The following ADCY2 variants were observed in gnomAD, a reference collection of about 807,000 sequenced individuals.
ADCY2 encodes the protein adenylate cyclase type 2.
A neutral mutation model predicts 125.2 loss-of-function variants in ADCY2; 31 were observed. The ratio of observed to expected loss-of-function variants is 0.25; its 90% confidence interval spans 0.19 to 0.33. ADCY2 has a LOEUF of 0.33. Among genes scored for constraint, ADCY2 ranks in the 10% least tolerant of loss-of-function variants. The pLI is 1.00. For missense variants in ADCY2, 904 were observed against 1,418.2 expected, an observed-to-expected ratio of 0.64 and a Z score of 5.82; for synonymous variants, 512 against 548.4, an observed-to-expected ratio of 0.93 and a Z score of 0.93.
At chr5:7,651,333 T>TAGGCC (rs1739081410) in intron 4 of ADCY2, among the ~76,000 whole-genome samples, 1 of 152,088 alleles carries the variant, frequency 6.6e-6, no homozygotes, top group Non-Finnish European at 1.5e-5. Flanking sequence ...ACTCACACGA[T>TAGGCC]CACAAGGTGA....
intron 2 of ADCY2, among the ~76,000 whole-genome samples, chr5:7,482,847 A>C (rs1472470247): frequency 1.3e-5 from 2 of 150,882 alleles, no homozygotes; most frequent in African/African-American, 4.9e-5. Context: ...TCAGTCATAA[A>C]GATAATTAAA....
chr5:7,780,344 G>A (rs1743879274), intron 18 of ADCY2, among the ~76,000 whole-genome samples: 1 of 152,210 alleles, frequency 6.6e-6, no homozygotes, highest in African/African-American at 2.4e-5. Flanking sequence ...ATTCGGACAA[G>A]ACATTTGCTT....
Position 7,698,388 on chromosome 5 carries a change from T to C in ADCY2, c.1109+14T>C, listed in dbSNP as rs1411511423. ...TGAAGCCATAAAGTAAGTGGACTGC[T>C]TAGTAAGCATTTTGTTATATGCTTT... On this transcript the variant is annotated intron_variant, in intron 7 of 24. Transcript: ENST00000338316. The C allele has an allele frequency of 6.2e-7, 1 of 1,613,880 alleles. No homozygotes were observed.
chr5:7,453,677 T>A (rs1741556531), intron 2 of ADCY2, among the ~76,000 whole-genome samples: 1 of 152,116 alleles, frequency 6.6e-6, no homozygotes, highest in Non-Finnish European at 1.5e-5. Flanking sequence ...ACGGTTTGAC[T>A]TTTCGACTTG....
Position 7,790,893 on chromosome 5 carries a change from A to G in ADCY2, c.2628+1093A>G, listed in dbSNP as rs1197217900. ...CATTGAAACCACATTTTCCATATGA[A>G]AAGAGAGGAGTCAGGAAAAGCCCAT... On this transcript the variant is annotated intron_variant, in intron 20 of 24. Transcript: ENST00000338316. 3.9e-5 allele frequency among the ~76,000 whole-genome samples: 6 copies of G among 152,168 alleles called. 1 individual carries two copies. Among genetic ancestry groups the G allele is most frequent in the Admixed American group, 3.9e-4 (6 of 15,284 alleles).
chr5:7,427,852 T>C (rs1740443366), intron 2 of ADCY2, among the ~76,000 whole-genome samples: 1 of 152,034 alleles, frequency 6.6e-6, no homozygotes, highest in Non-Finnish European at 1.5e-5. Flanking sequence ...TGCTTTGGAG[T>C]GTTTGAAGCC....
At chr5:7,729,833 A>G (rs1185884705) in intron 14 of ADCY2, among the ~76,000 whole-genome samples, 2 of 148,564 alleles carry the variant, frequency 1.3e-5, no homozygotes, top group Non-Finnish European at 3.0e-5. Flanking sequence ...TTAAAGAATA[A>G]AATATATAAT....
intron 2 of ADCY2, among the ~76,000 whole-genome samples, chr5:7,516,618 CACCT>C (rs1238377065): frequency 6.6e-6 from 1 of 152,078 alleles, no homozygotes; most frequent in African/African-American, 2.4e-5. Flanking sequence ...ACTCGCCCCT[CACCT>C]AACTGAAATG....
In ADCY2 at chr5:7,709,684, T is replaced by A. The variant is rs1018238676; in HGVS notation, c.1578+297T>A. Reference sequence around the variant, plus strand: ...ACTATTTATTAATTGAGGGGTTTTTTAAGAAAAACTTCTATCATGAAGTAG... The same window carrying A: ...ACTATTTATTAATTGAGGGGTTTTTAAAGAAAAACTTCTATCATGAAGTAG... On this transcript the variant is annotated intron_variant, in intron 10 of 24. Coordinates refer to ENST00000338316, the MANE Select transcript of ADCY2 (RefSeq NM_020546.3). The surrounding 1 kb of genome is among the most constrained non-coding windows in gnomAD (Gnocchi z 4.4). 6.6e-6 allele frequency among the ~76,000 whole-genome samples: 1 copy of A among 152,220 alleles called. No homozygotes were observed. Among genetic ancestry groups the A allele is most frequent in the African/African-American group, 2.4e-5 (1 of 41,454 alleles).
chr5:7,752,569 C>A (rs181663138), intron 15 of ADCY2, among the ~76,000 whole-genome samples: 1 of 151,456 alleles, frequency 6.6e-6, no homozygotes, highest in African/African-American at 2.4e-5. Flanking sequence ...ACTAATGAAA[C>A]TGTAAATGAA....
intron 2 of ADCY2, among the ~76,000 whole-genome samples, chr5:7,518,531 A>G (rs767806702): frequency 6.6e-6 from 1 of 152,230 alleles, no homozygotes; most frequent in Non-Finnish European, 1.5e-5. Flanking sequence ...TTTATTTTTA[A>G]AGAGGTGAAA....
chr5:7,589,511 A>AAAGAAAGAAAGAAAG (rs757777978), intron 3 of ADCY2, among the ~76,000 whole-genome samples: 137 of 110,380 alleles, frequency 1.2e-3, no homozygotes, highest in African/African-American at 3.8e-3. Flanking sequence ...AGAAAGAAAG[A>AAAGAAAGAAAGAAAG]AAAGAAAAGA....
At chr5:7,684,263 G>A (rs554852428) in intron 4 of ADCY2, among the ~76,000 whole-genome samples, 4 of 152,314 alleles carry the variant, frequency 2.6e-5, no homozygotes, top group African/African-American at 9.6e-5. Context: ...CTTTGCAGGT[G>A]CACCAGCCTG....
chr5:7,806,992 G>A (rs1744777945), intron 22 of ADCY2, among the ~76,000 whole-genome samples: 3 of 152,066 alleles, frequency 2.0e-5, no homozygotes, highest in Admixed American at 2.0e-4. Flanking sequence ...TTATGACTTG[G>A]AGGCTTCTCC....
At chr5:7,440,182 T>C (rs1292773325) in intron 2 of ADCY2, among the ~76,000 whole-genome samples, 4 of 152,178 alleles carry the variant, frequency 2.6e-5, no homozygotes, top group African/African-American at 7.2e-5. Context: ...CAAGTTGTTA[T>C]AATAGAGTGG....
At chr5:7,448,406 C>A (rs1292669065) in intron 2 of ADCY2, among the ~76,000 whole-genome samples, 1 of 152,088 alleles carries the variant, frequency 6.6e-6, no homozygotes, top group Non-Finnish European at 1.5e-5. Flanking sequence ...GCAGATGGCT[C>A]TGACTTATTT....
At chr5:7,598,964 G>C (rs1351238247) in intron 3 of ADCY2, among the ~76,000 whole-genome samples, 1 of 152,236 alleles carries the variant, frequency 6.6e-6, no homozygotes. Flanking sequence ...TGAGATCTGG[G>C]AGCTGCTCAT....
At chr5:7,579,312 G>C (rs2126610104) in intron 3 of ADCY2, among the ~76,000 whole-genome samples, 1 of 152,202 alleles carries the variant, frequency 6.6e-6, no homozygotes, top group South Asian at 2.1e-4. Flanking sequence ...CAGTTGGGAT[G>C]GATAAAATTT....
Position 7,766,711 on chromosome 5 carries a change from A to G in ADCY2, c.2119A>G (p.Thr707Ala), listed in dbSNP as rs1276067348. 3 of 1,612,458 alleles carry G rather than the reference A, an allele frequency of 1.9e-6. No individual in the cohort carries two copies. The highest frequency in any genetic ancestry group is 1.3e-5 in the African/African-American group (1 of 74,846). Residue 707 changes from threonine to alanine, a missense_variant, in exon 17 of 25, where the codon ACA becomes GCA. By Grantham distance (58) the Thr-to-Ala change is moderately conservative. Transcript: ENST00000338316. ...GTTTTTCCTGAGTGACTCAGAGGAAACAATCCCTCCAACTGCCAACACAAC... is the reference window on the plus strand; with the variant it reads ...GTTTTTCCTGAGTGACTCAGAGGAAGCAATCCCTCCAACTGCCAACACAAC... ...NMFFLSDSEETIPPTANTTNT... is the reference protein window; with the variant it reads ...NMFFLSDSEEAIPPTANTTNT...
Sources: allele counts gnomAD v4.1 joint callset (sites outside exome capture counted in the v4.1 genomes callset), GRCh38; gene constraint gnomAD v4.1.1; non-coding constraint Gnocchi (gnomAD v3.1); transcripts MANE v1.5; gene names NCBI Gene and HGNC (gene_info 2026-07-23, HGNC 2026-07-21).